CDH3: variants seen among roughly 807,000 people sequenced by gnomAD.
The protein encoded by CDH3 is cadherin 3.
Under a neutral mutation model 82.0 loss-of-function variants are expected in CDH3, and 54 were observed. That is an observed-to-expected ratio of 0.66 (90% confidence interval 0.53 to 0.83). CDH3 has a LOEUF of 0.83. Among genes scored for constraint, CDH3 ranks in the 40% least tolerant of loss-of-function variants. The pLI, the probability that CDH3 is intolerant of heterozygous loss-of-function variation, is 0.00. For missense variants in CDH3, 1,054 were observed against 1,084.6 expected (o/e 0.97, Z 0.40); for synonymous variants, 446 against 437.9 (o/e 1.02, Z -0.23).
intron 6 of CDH3, 114 bp from the exon 7 acceptor site, chr16:68,679,685 A>C: frequency 2.9e-5 from 18 of 623,948 alleles, no homozygotes; most frequent in Non-Finnish European, 3.7e-5. Flanking sequence ...ATAGAGTGAG[A>C]CTTCATCTCA....
At chr16:68,719,378 T>A (rs1962134402) in intron 1 of CDH3, among the ~76,000 whole-genome samples, 1 of 151,884 alleles carries the variant, frequency 6.6e-6, no homozygotes, top group Admixed American at 6.6e-5. Flanking sequence ...TCCATTTATA[T>A]GACAATCTAG....
chr16:68,672,201 A>AAAAAAAAT (rs59027614), intron 2 of CDH3, among the ~76,000 whole-genome samples: 1 of 145,138 alleles, frequency 6.9e-6, no homozygotes, highest in African/African-American at 2.6e-5. Context: ...AAAAAAAAAA[A>AAAAAAAAT]AAATAAATAA....
chr16:68,685,400 G>A, intron 11 of CDH3, 50 bp downstream of exon 11: 1 of 1,590,972 alleles, frequency 6.3e-7, no homozygotes, highest in South Asian at 1.1e-5. Flanking sequence ...TGGTTCTCAG[G>A]TCACATGACA....
intron 1 of CDH3, among the ~76,000 whole-genome samples, chr16:68,709,932 C>A (rs527402140): frequency 2.5e-4 from 38 of 152,338 alleles, no homozygotes; most frequent in African/African-American, 8.2e-4. Flanking sequence ...CACCTTTGTC[C>A]CAGCCACCAG....
chr16:68,660,816 G>A (rs565713535), intron 2 of CDH3, among the ~76,000 whole-genome samples: 7 of 152,110 alleles, frequency 4.6e-5, no homozygotes, highest in East Asian at 1.9e-4. Context: ...AAAATTAGCC[G>A]GGCGTAGTGG....
intron 8 of CDH3, among the ~76,000 whole-genome samples, 184 bp downstream of exon 8, chr16:68,681,280 G>A (rs1432336442): frequency 6.6e-6 from 1 of 152,170 alleles, no homozygotes; most frequent in Non-Finnish European, 1.5e-5. Flanking sequence ...AGGAGATAAT[G>A]ATAATACCTG....
At position 68,684,658 on chromosome 16, in the gene CDH3, C is replaced by G; in HGVS notation, c.1258C>G (p.Leu420Val). The change falls in exon 10 of 16, where the codon CTC becomes GTC. Residue 420 changes from leucine to valine, a missense_variant. By Grantham distance (32) the Leu-to-Val change is conservative (BLOSUM62 1). Transcript: ENST00000264012. Reference protein sequence around the residue: ...VTNEAPFVLKLPTSTATIVVH... With the variant: ...VTNEAPFVLKVPTSTATIVVH... ...CAACGAGGCCCCTTTTGTGCTGAAG[C>G]TCCCAACCTCCACAGCCACCATAGT... 1.9e-6 allele frequency: 3 copies of G among 1,614,204 alleles called. No individual in the cohort carries two copies. Among genetic ancestry groups the G allele is most frequent in the Non-Finnish European group, 2.5e-6 (3 of 1,180,034 alleles).
downstream of CDH3, among the ~76,000 whole-genome samples, chr16:68,701,960 G>T (rs951994740): frequency 1.3e-5 from 2 of 151,944 alleles, no homozygotes; most frequent in Non-Finnish European, 2.9e-5. Context: ...GGAGGCGGAG[G>T]TTGCAGTGAA....
At chr16:68,682,547 C>T (rs914864123) in intron 9 of CDH3, 60 bp downstream of exon 9, 1 of 1,521,178 alleles carries the variant, frequency 6.6e-7, no homozygotes, top group Non-Finnish European at 9.1e-7. Flanking sequence ...CTGCAGCCTT[C>T]AGGATGAGGA....
At chr16:68,706,722 T>G (rs1316197409) in intron 1 of CDH3, among the ~76,000 whole-genome samples, 1 of 151,888 alleles carries the variant, frequency 6.6e-6, no homozygotes, top group Non-Finnish European at 1.5e-5. Flanking sequence ...CCAGCTAATC[T>G]TTGTATTTTT....
At chr16:68,667,419 C>CAGT (rs1960762903) in intron 2 of CDH3, among the ~76,000 whole-genome samples, 1 of 152,164 alleles carries the variant, frequency 6.6e-6, no homozygotes, top group African/African-American at 2.4e-5. Flanking sequence ...ACCCAGAGAT[C>CAGT]AGTAGGGAAA....
chr16:68,655,433 T>C (rs186104010), intron 2 of CDH3, among the ~76,000 whole-genome samples: 29 of 152,348 alleles, frequency 1.9e-4, no homozygotes, highest in Middle Eastern at 3.4e-3. Flanking sequence ...TGTCAGGTAC[T>C]GTTCTAGGTG....
chr16:68,725,480 C>A (rs1255111940), intron 2 of CDH3, among the ~76,000 whole-genome samples: 1 of 151,866 alleles, frequency 6.6e-6, no homozygotes, highest in Non-Finnish European at 1.5e-5. Flanking sequence ...ACTACAGGCG[C>A]CCGCCACCAC....
intron 2 of CDH3, among the ~76,000 whole-genome samples, chr16:68,667,719 G>A (rs751229064): frequency 5.9e-5 from 9 of 152,046 alleles, no homozygotes; most frequent in Non-Finnish European, 1.2e-4. Flanking sequence ...GTACCCCAGG[G>A]ACCAAACTCT....
chr16:68,729,700 C>G (rs761657382), downstream of CDH3, among the ~76,000 whole-genome samples: 1 of 152,086 alleles, frequency 6.6e-6, no homozygotes, highest in African/African-American at 2.4e-5. Context: ...GGCGTGATCT[C>G]GGCTCACTGC....
intron 2 of CDH3, among the ~76,000 whole-genome samples, chr16:68,657,507 C>G (rs1960439109): frequency 6.6e-6 from 1 of 152,172 alleles, no homozygotes; most frequent in Middle Eastern, 3.2e-3. Context: ...GAGCAAGACT[C>G]TGTCTCAAAA....
intron 2 of CDH3, among the ~76,000 whole-genome samples, chr16:68,659,575 G>A (rs1337445071): frequency 1.2e-4 from 17 of 139,930 alleles, no homozygotes; most frequent in Non-Finnish European, 2.2e-4. Context: ...GTGAGATGCT[G>A]TCTCAAAAAA....
At chr16:68,701,568 C>A (rs1382506654), downstream of CDH3, among the ~76,000 whole-genome samples, 5 of 139,696 alleles carry the variant, frequency 3.6e-5, no homozygotes. Flanking sequence ...TTTTTTGAGA[C>A]AGAGTCTCAC....
intron 1 of CDH3, among the ~76,000 whole-genome samples, chr16:68,717,465 A>G (rs2152110797): frequency 6.6e-6 from 1 of 152,280 alleles, no homozygotes; most frequent in African/African-American, 2.4e-5. Flanking sequence ...GTTAGGAAGC[A>G]GTGCCTTAAA....
Sources: allele counts gnomAD v4.1 joint callset (sites outside exome capture counted in the v4.1 genomes callset), GRCh38; gene constraint gnomAD v4.1.1; transcripts MANE v1.5; gene names NCBI Gene and HGNC (gene_info 2026-07-23, HGNC 2026-07-21).